NFKB1: variants seen among roughly 807,000 people sequenced by gnomAD.
The protein encoded by NFKB1 is nuclear factor NF-kappa-B p105 subunit.
NFKB1 carries 9 observed loss-of-function variants against 105.1 expected under a neutral mutation model. The observed-to-expected ratio is 0.09, with a 90% CI of 0.05 to 0.15. The LOEUF (loss-of-function observed/expected upper bound fraction) is 0.15, where lower values mean the gene tolerates loss of function less well. NFKB1 is among the 10% of genes least tolerant of loss of function. The probability of loss-of-function intolerance (pLI) is 1.00; values close to 1 mark genes in which losing one functional copy is unlikely to be tolerated. For synonymous variants in NFKB1, 440 were observed against 442.2 expected, an observed-to-expected ratio of 1.00 and a Z score of 0.06; for missense variants, 830 against 1,203.7, an observed-to-expected ratio of 0.69 and a Z score of 4.59.
intron 1 of NFKB1, among the ~76,000 whole-genome samples, chr4:102,522,030 C>T (rs931972742): frequency 2.6e-5 from 4 of 152,146 alleles, no homozygotes; most frequent in Non-Finnish European, 5.9e-5. Flanking sequence ...AATTTACTAT[C>T]GCCCTTTTGG....
rs4647975 is a variant in NFKB1 at position 102,518,230 on chromosome 4, G to A, written c.-7-7282G>A. 3.4e-3 allele frequency among the ~76,000 whole-genome samples: 514 copies of A among 152,206 alleles called. 3 individuals are homozygous for A. Among genetic ancestry groups the A allele is most frequent in the African/African-American group, 0.012 (493 of 41,532 alleles). On this transcript the variant is annotated intron_variant, in intron 1 of 23. Transcript: ENST00000226574. Reference sequence around the variant, plus strand: ...AATTGCTTTTAGATAGAGAGGTGAAGGGATTTAAAACATTAACTTGTTTTA... The same window carrying A: ...AATTGCTTTTAGATAGAGAGGTGAAAGGATTTAAAACATTAACTTGTTTTA...
intron 5 of NFKB1, among the ~76,000 whole-genome samples, chr4:102,556,044 A>G (rs753071794): frequency 6.6e-6 from 1 of 152,150 alleles, no homozygotes; most frequent in Non-Finnish European, 1.5e-5. Flanking sequence ...ACAAACTGAG[A>G]TTTTTGGGGT....
chr4:102,510,316 A>G (rs552003250), intron 1 of NFKB1, among the ~76,000 whole-genome samples: 1 of 152,324 alleles, frequency 6.6e-6, no homozygotes, highest in Admixed American at 6.5e-5. Flanking sequence ...GTGTTTGCTG[A>G]ATAAGTAAAT....
intron 4 of NFKB1, 73 bp from the exon 5 acceptor site, chr4:102,537,785 G>A: frequency 2.4e-6 from 2 of 833,002 alleles, no homozygotes; most frequent in Non-Finnish European, 2.0e-6. Flanking sequence ...TTAAAAATTT[G>A]TATGTACCTT....
chr4:102,616,518 G>A lies in NFKB1; in HGVS notation c.2834G>A (p.Ser945Asn), dbSNP rs1319995973. 1.2e-6 allele frequency: 2 copies of A among 1,614,134 alleles called. No homozygotes were observed. The highest frequency in any genetic ancestry group is 2.2e-5 in the East Asian group (1 of 44,886). ...RKLSFTESLT[S>N]GASLLTLNKM... ...CTCAGCTTTACCGAGTCTCTGACCAGTGGTGCCTCACTGCTAACTCTCAAC... is the reference window on the plus strand; with the variant it reads ...CTCAGCTTTACCGAGTCTCTGACCAATGGTGCCTCACTGCTAACTCTCAAC... Residue 945 changes from serine (S) to asparagine (N), a missense_variant, in exon 24 of 24, where the codon AGT (serine) becomes AAT (asparagine). This residue lies in a region of NFKB1 where 418 missense variants were observed against 575.3 expected (regional missense o/e 0.73). Coordinates refer to ENST00000226574, the MANE Select transcript of NFKB1 (RefSeq NM_003998.4).
intron 4 of NFKB1, among the ~76,000 whole-genome samples, chr4:102,535,973 G>A (rs562638577): frequency 6.6e-5 from 10 of 151,432 alleles, no homozygotes; most frequent in African/African-American, 2.2e-4. Flanking sequence ...CAGCTCTGAC[G>A]GAGATGAGTC....
Position 102,610,476 on chromosome 4 carries a change from G to T in NFKB1, c.2228-99G>T, listed in dbSNP as rs565492626. ...AAAATTATCCAGGAGATTGCCTCAAGCTGCTACATTGCTTTGCCTTTGGGA... is the reference window on the plus strand; with the variant it reads ...AAAATTATCCAGGAGATTGCCTCAATCTGCTACATTGCTTTGCCTTTGGGA... On this transcript the variant is annotated intron_variant, in intron 19 of 23. Transcript: ENST00000226574. 8 of 1,273,214 alleles carry T rather than the reference G, an allele frequency of 6.3e-6. No homozygotes were observed. The East Asian group carries it at 1.9e-4, about 30-fold the overall frequency. 78.9% of individuals were successfully genotyped at this position (1,273,214 alleles called of 1,614,324 possible).
chr4:102,555,945 A>T (rs549265330), intron 5 of NFKB1, among the ~76,000 whole-genome samples: 1 of 152,314 alleles, frequency 6.6e-6, no homozygotes, highest in South Asian at 2.1e-4. Context: ...CAGAGACACT[A>T]GTTGGAAGAA....
intron 21 of NFKB1, 122 bp downstream of exon 21, chr4:102,612,232 C>A: frequency 2.0e-6 from 2 of 1,002,804 alleles, no homozygotes; most frequent in Non-Finnish European, 3.0e-6. Flanking sequence ...CCAAAAGATG[C>A]TGGAGGTAGA....
At chr4:102,604,542 G>T (rs1362962882) in intron 16 of NFKB1, among the ~76,000 whole-genome samples, 3 of 151,958 alleles carry the variant, frequency 2.0e-5, no homozygotes, top group Non-Finnish European at 4.4e-5. Context: ...TTTTTTAAAT[G>T]CCTAAGTGGC....
chr4:102,519,117 T>A (rs1215361970), intron 1 of NFKB1, among the ~76,000 whole-genome samples: 1 of 151,930 alleles, frequency 6.6e-6, no homozygotes, highest in Non-Finnish European at 1.5e-5. Context: ...CTTTTGCACT[T>A]TGGTGTTGTT....
At chr4:102,560,135 G>T (rs1723293029) in intron 5 of NFKB1, among the ~76,000 whole-genome samples, 2 of 152,088 alleles carry the variant, frequency 1.3e-5, no homozygotes, top group South Asian at 4.1e-4. Context: ...AGTGATGAAT[G>T]ATTAGGCCAT....
Position 102,607,641 on chromosome 4 carries a change from G to C in NFKB1, c.2125-8G>C, listed in dbSNP as rs768281641. ...CACTAACGCTTTCTTGTGTGGGCTGGATTGTAGGGTGATGCCCATGTGGAC... is the reference window on the plus strand; with the variant it reads ...CACTAACGCTTTCTTGTGTGGGCTGCATTGTAGGGTGATGCCCATGTGGAC... On this transcript the variant is annotated splice_region_variant and splice_polypyrimidine_tract_variant and intron_variant, in intron 18 of 23. Coordinates refer to ENST00000226574, the MANE Select transcript of NFKB1 (RefSeq NM_003998.4). The C allele has an allele frequency of 6.2e-7, 1 of 1,613,702 alleles. No individual in the cohort carries two copies. Among genetic ancestry groups the C allele is most frequent in the Non-Finnish European group, 8.5e-7 (1 of 1,179,664 alleles).
rs867751889 is a variant in NFKB1 at position 102,539,254 on chromosome 4, A to G, written c.258+1298A>G. On this transcript the variant is annotated intron_variant, in intron 5 of 23. Coordinates refer to ENST00000226574, the MANE Select transcript of NFKB1 (RefSeq NM_003998.4). ...TCTGTCTCAAAAAAAAAAAAAAAAAAAAAGAAAGAAATCAGTCTTTGGTTT... is the reference window on the plus strand; with the variant it reads ...TCTGTCTCAAAAAAAAAAAAAAAAAGAAAGAAAGAAATCAGTCTTTGGTTT... Among the ~76,000 whole-genome samples the G allele has an allele frequency of 4.6e-3, 698 of 151,002 alleles. 12 individuals are homozygous for G. Among genetic ancestry groups the G allele is most frequent in the African/African-American group, 0.015 (621 of 41,104 alleles).
At chr4:102,531,292 T>G (rs1741274376) in intron 3 of NFKB1, among the ~76,000 whole-genome samples, 2 of 152,200 alleles carry the variant, frequency 1.3e-5, no homozygotes, top group Non-Finnish European at 2.9e-5. Context: ...GCCATAATAT[T>G]AGAAAAACTA....
intron 4 of NFKB1, 165 bp from the exon 5 acceptor site, chr4:102,537,683 TCGTAGTAAGA>T: frequency 2.0e-6 from 1 of 489,780 alleles, no homozygotes; most frequent in Non-Finnish European, 3.7e-6. Flanking sequence ...ATACCATTTT[TCGTAGTAAGA>T]TTACGGGAAA....
In NFKB1 at chr4:102,595,773, G is replaced by A. The variant is rs569237014; in HGVS notation, c.1301-365G>A. ...ACTAAAGAATGTGAGTCGACAACACGTCTTTATGATTTGCTTTGTTCATTA... is the reference window on the plus strand; with the variant it reads ...ACTAAAGAATGTGAGTCGACAACACATCTTTATGATTTGCTTTGTTCATTA... On this transcript the variant is annotated intron_variant, in intron 13 of 23. Transcript: ENST00000226574. 9.3e-4 allele frequency among the ~76,000 whole-genome samples: 142 copies of A among 152,274 alleles called. 1 individual carries two copies. The highest frequency in any genetic ancestry group is 1.7e-3 in the Non-Finnish European group (118 of 68,004).
At chr4:102,511,973 T>G (rs982993518) in intron 1 of NFKB1, among the ~76,000 whole-genome samples, 3 of 152,206 alleles carry the variant, frequency 2.0e-5, no homozygotes, top group Non-Finnish European at 2.9e-5. Flanking sequence ...TATATCCACA[T>G]AGACAATGGA....
chr4:102,579,331 G>A (rs545716066), intron 8 of NFKB1, among the ~76,000 whole-genome samples: 14 of 152,148 alleles, frequency 9.2e-5, no homozygotes, highest in South Asian at 4.1e-4. Context: ...TTGCTATAAA[G>A]ATATATGGTT....
Sources: allele counts gnomAD v4.1 joint callset (sites outside exome capture counted in the v4.1 genomes callset), GRCh38; gene constraint gnomAD v4.1.1; regional missense constraint gnomAD v4.1.1; transcripts MANE v1.5; gene names NCBI Gene and HGNC (gene_info 2026-07-23, HGNC 2026-07-21).